SOCS7: variants seen among roughly 807,000 people sequenced by gnomAD.
The protein encoded by SOCS7 is NAP-4.
Under a neutral mutation model 58.9 loss-of-function variants are expected in SOCS7, and 18 were observed. The observed-to-expected ratio is 0.31, with a 90% confidence interval of 0.21 to 0.45. The LOEUF is 0.45. SOCS7 is among the 20% of genes least tolerant of loss of function. The pLI is 1.00. For synonymous variants in SOCS7, 388 were observed against 364.3 expected, an observed-to-expected ratio of 1.06 and a Z score of -0.74; for missense variants, 667 against 837.3, an observed-to-expected ratio of 0.80 and a Z score of 2.51.
chr17:38,387,131 A>ATATATATG (rs1163854242), intron 7 of SOCS7, among the ~76,000 whole-genome samples: 28 of 87,866 alleles, frequency 3.2e-4, no homozygotes, highest in African/African-American at 1.7e-3. Flanking sequence ...ATATATATGT[A>ATATATATG]TGTATATATA....
chr17:38,375,852 T>C (rs2037924215), intron 6 of SOCS7: 1 of 151,876 alleles, frequency 6.6e-6, no homozygotes, highest in African/African-American at 2.4e-5. Context: ...AAAGTTTCGC[T>C]CTTATTGCCC....
At chr17:38,377,171 G>T (rs2037942745) in intron 6 of SOCS7, among the ~76,000 whole-genome samples, 1 of 152,164 alleles carries the variant, frequency 6.6e-6, no homozygotes, top group African/African-American at 2.4e-5. Flanking sequence ...CATCTATATA[G>T]AGAGAGGAAG....
chr17:38,394,225 C>T (rs947078345), intron 7 of SOCS7, among the ~76,000 whole-genome samples: 4 of 152,156 alleles, frequency 2.6e-5, no homozygotes, highest in African/African-American at 9.7e-5. Context: ...GTGTGGTACT[C>T]CCATTGAGTC....
chr17:38,361,903 C>T (rs2037725295), intron 2 of SOCS7, 128 bp downstream of exon 2: 2 of 684,158 alleles, frequency 2.9e-6, no homozygotes, highest in Admixed American at 2.8e-5. Context: ...TCATTCCATG[C>T]TTAGTGGGTT....
At chr17:38,399,020 G>A (rs974576293) in intron 9 of SOCS7, among the ~76,000 whole-genome samples, 1 of 151,702 alleles carries the variant, frequency 6.6e-6, no homozygotes, top group South Asian at 2.1e-4. Context: ...CCCAGGAAGT[G>A]GAGATTGCAG....
chr17:38,396,024 A>G, intron 9 of SOCS7, 26 bp downstream of exon 9: 3 of 1,539,238 alleles, frequency 1.9e-6, no homozygotes, highest in Non-Finnish European at 2.6e-6. Flanking sequence ...CTCACTGCCC[A>G]GCCACATTTC....
intron 6 of SOCS7, 92 bp from the exon 7 acceptor site, chr17:38,377,622 A>G (rs1042007028): frequency 1.5e-6 from 2 of 1,298,256 alleles, no homozygotes; most frequent in African/African-American, 3.0e-5. Flanking sequence ...TGCCCTCCCA[A>G]AAGTGAGAAT....
At position 38,352,836 on chromosome 17, in the gene SOCS7, CT is replaced by C; in HGVS notation, c.785del (p.Leu262ProfsTer51). ...PPPPPPPPGP[L>X]RPLAGPSRKG... ...CCCGCCCCCGCCTCCTCCCGGGCCC[CT>C]CCGGCCACTCGCGGGTCCTTCTCGG... On this transcript the variant is annotated frameshift_variant, in exon 1 of 10. Coordinates refer to ENST00000612932, the MANE Select transcript of SOCS7 (RefSeq NM_014598.4). LOFTEE classifies it high-confidence loss of function. This position sits in a 1 kb window ranked among gnomAD's most constrained non-coding sequence, Gnocchi z 5.5. 6.4e-7 allele frequency: 1 copy of C among 1,570,882 alleles called. No homozygotes were observed. Among genetic ancestry groups the C allele is most frequent in the Non-Finnish European group, 8.6e-7 (1 of 1,158,376 alleles).
chr17:38,352,441 G>A lies in SOCS7; in HGVS notation c.389G>A (p.Gly130Glu). 3.4e-6 allele frequency: 5 copies of A among 1,458,562 alleles called. 1 individual carries two copies. The South Asian group carries it at 7.1e-5, about 21-fold the overall frequency. 90.4% of individuals were successfully genotyped at this position (1,458,562 alleles called of 1,614,324 possible). ...GCGCAGTTGGCGGCTCTGGGGCTCG[G>A]GCAGCCGGCGGGGCCGGGGGTCAAG... is the stretch of plus-strand genomic sequence containing the variant. ...LEAQLAALGL[G>E]QPAGPGVKTV... The change falls in exon 1 of 10, where the codon GGG becomes GAG. Residue 130 changes from glycine (G) to glutamate (E), a missense_variant. Gly to Glu is a moderately conservative substitution (Grantham distance 98). Around this residue, in one of 9 missense-constraint regions of SOCS7, gnomAD observed 154 missense variants for 156.3 expected, o/e 0.98. Coordinates refer to ENST00000612932, the MANE Select transcript of SOCS7 (RefSeq NM_014598.4). This position sits in a 1 kb window ranked among gnomAD's most constrained non-coding sequence, Gnocchi z 5.5.
intron 7 of SOCS7, among the ~76,000 whole-genome samples, chr17:38,393,867 C>T (rs1435914270): frequency 6.6e-6 from 1 of 151,270 alleles, no homozygotes; most frequent in Non-Finnish European, 1.5e-5. Flanking sequence ...GCCACTGCAC[C>T]CCAGCCTGGG....
At chr17:38,377,103 A>C (rs1350806919) in intron 6 of SOCS7, among the ~76,000 whole-genome samples, 1 of 152,220 alleles carries the variant, frequency 6.6e-6, no homozygotes, top group Non-Finnish European at 1.5e-5. Context: ...TTCTCTGAAC[A>C]TATTTCTGTC....
chr17:38,365,620 G>C, intron 4 of SOCS7: 1 of 427,320 alleles, frequency 2.3e-6, no homozygotes, highest in East Asian at 3.6e-5. Flanking sequence ...TCTGATTTTT[G>C]TTAGGGATGA....
chr17:38,380,114 A>G (rs2037981847), intron 7 of SOCS7, among the ~76,000 whole-genome samples: 1 of 152,196 alleles, frequency 6.6e-6, no homozygotes, highest in African/African-American at 2.4e-5. Context: ...ACTTCGTGGA[A>G]TATTGGACTC....
At chr17:38,389,897 A>ATGTACATATATATATATATATATG (rs1555571091) in intron 7 of SOCS7, among the ~76,000 whole-genome samples, 1 of 77,356 alleles carries the variant, frequency 1.3e-5, no homozygotes, top group Non-Finnish European at 2.2e-5. Flanking sequence ...ATATATATAT[A>ATGTACATATATATATATATATATG]TACACATATA....
intron 2 of SOCS7, 139 bp from the exon 3 acceptor site, chr17:38,364,612 GC>G: frequency 1.5e-6 from 1 of 668,400 alleles, no homozygotes; most frequent in South Asian, 1.8e-5. Flanking sequence ...GGTGATTTCA[GC>G]CCTGGGGGCA....
At chr17:38,366,572 G>A (rs2037792902) in intron 5 of SOCS7, among the ~76,000 whole-genome samples, 155 bp downstream of exon 5, 1 of 152,224 alleles carries the variant, frequency 6.6e-6, no homozygotes. Flanking sequence ...ATAGCTCACT[G>A]TAGGCTCAAA....
At chr17:38,398,795 A>G (rs1190699437) in intron 9 of SOCS7, among the ~76,000 whole-genome samples, 1 of 152,192 alleles carries the variant, frequency 6.6e-6, no homozygotes, top group Non-Finnish European at 1.5e-5. Flanking sequence ...GAAGCTGCAG[A>G]AATACAGAGC....
At chr17:38,376,207 C>T (rs1567743899) in intron 6 of SOCS7, among the ~76,000 whole-genome samples, 1 of 152,188 alleles carries the variant, frequency 6.6e-6, no homozygotes, top group African/African-American at 2.4e-5. Flanking sequence ...GGAGCCTATC[C>T]TGGCAGTTCA....
At chr17:38,353,972 T>C (rs2037598222) in intron 1 of SOCS7, among the ~76,000 whole-genome samples, 1 of 152,164 alleles carries the variant, frequency 6.6e-6, no homozygotes. Context: ...GAATTCTAAG[T>C]ACCAGTAAGA....
Sources: allele counts gnomAD v4.1 joint callset (sites outside exome capture counted in the v4.1 genomes callset), GRCh38; gene constraint gnomAD v4.1.1; regional missense constraint gnomAD v4.1.1; non-coding constraint Gnocchi (gnomAD v3.1); transcripts MANE v1.5; gene names NCBI Gene and HGNC (gene_info 2026-07-23, HGNC 2026-07-21).